ADGRD1: variants seen among roughly 807,000 people sequenced by gnomAD.
The protein encoded by ADGRD1 is G-protein coupled receptor 133.
In ADGRD1, 77 loss-of-function variants were observed where a neutral mutation model predicts 113.4. The ratio of observed to expected loss-of-function variants is 0.68; its 90% CI spans 0.57 to 0.82. The LOEUF is 0.82. ADGRD1 is among the 40% of genes least tolerant of loss of function. The probability of loss-of-function intolerance (pLI) is 0.00; values close to 1 mark genes in which losing one functional copy is unlikely to be tolerated. For synonymous variants in ADGRD1, 474 were observed against 475.0 expected (o/e 1.00, Z 0.03); for missense variants, 1,036 against 1,139.1 (o/e 0.91, Z 1.30).
chr12:131,011,269 C>G lies in ADGRD1; in HGVS notation c.1332-2930C>G, dbSNP rs1593353163. Among the ~76,000 whole-genome samples the G allele has an allele frequency of 3.3e-5, 5 of 151,174 alleles. 1 individual carries two copies. The highest frequency in any genetic ancestry group is 3.3e-4 in the Admixed American group (5 of 15,170). The stretch of plus-strand genomic sequence containing the variant: ...GCGTCTGGCCCCATTCTCATCTTGA[C>G]TTGGCCGACATCTGGCGTCGCACTG... On this transcript the variant is annotated intron_variant, in intron 12 of 24. Coordinates refer to ENST00000261654, the MANE Select transcript of ADGRD1 (RefSeq NM_198827.5).
chr12:130,987,368 C>T lies in ADGRD1; in HGVS notation c.745+19C>T. 1 of 1,613,210 alleles carries T rather than the reference C, an allele frequency of 6.2e-7. No individual in the cohort carries two copies. Among genetic ancestry groups the T allele is most frequent in the Non-Finnish European group, 8.5e-7 (1 of 1,179,702 alleles). ...GCCATTGGTCAGTGAGTGTGAAGGG[C>T]TGGGGCAGATCCGCTGTCTGTTCCC... On this transcript the variant is annotated intron_variant, in intron 6 of 24. Coordinates refer to ENST00000261654, the MANE Select transcript of ADGRD1 (RefSeq NM_198827.5).
chr12:131,108,556 G>T (rs901823831), intron 17 of ADGRD1, among the ~76,000 whole-genome samples, 168 bp from the exon 18 acceptor site: 1 of 152,096 alleles, frequency 6.6e-6, no homozygotes, highest in Non-Finnish European at 1.5e-5. Flanking sequence ...TGAGTCAAGC[G>T]CTACACCCAA....
intron 7 of ADGRD1, 99 bp from the exon 8 acceptor site, chr12:130,992,134 AAAAT>A: frequency 1.1e-6 from 1 of 894,402 alleles, no homozygotes; most frequent in Non-Finnish European, 1.7e-6. Flanking sequence ...AAAAAAAAAA[AAAAT>A]TAAAAAAAGC....
intron 13 of ADGRD1, among the ~76,000 whole-genome samples, chr12:131,067,237 G>T (rs1884793003): frequency 6.6e-6 from 1 of 152,320 alleles, no homozygotes; most frequent in African/African-American, 2.4e-5. Context: ...GCCTGTGGAC[G>T]CCCAGGTGGG....
intron 2 of ADGRD1, among the ~76,000 whole-genome samples, chr12:130,960,229 G>C (rs1246494489): frequency 1.3e-5 from 2 of 152,184 alleles, no homozygotes; most frequent in Non-Finnish European, 2.9e-5. Context: ...GCAGTTTCCT[G>C]GTCCTGGGGC....
At position 131,046,419 on chromosome 12, in the gene ADGRD1, G is replaced by A. The variant is rs1185801722; in HGVS notation, c.1474-30382G>A. 1.4e-4 allele frequency among the ~76,000 whole-genome samples: 18 copies of A among 125,360 alleles called. 1 individual carries two copies. The highest frequency in any genetic ancestry group is 2.3e-4 in the African/African-American group (7 of 30,756). The allele number at this position is 125,360 out of a possible 152,430, so 82.2% of individuals were successfully genotyped here. ...CTGGTCAGGGTCCTCCCTGGTCAGC[G>A]CTCCCTCCCTGGTCAGTGTCCTCTC... On this transcript the variant is annotated intron_variant, in intron 13 of 24. Coordinates refer to ENST00000261654, the MANE Select transcript of ADGRD1 (RefSeq NM_198827.5).
At chr12:130,957,060 T>C (rs1869686755) in intron 2 of ADGRD1, 1 of 149,638 alleles carries the variant, frequency 6.7e-6, no homozygotes, top group African/African-American at 2.5e-5. Context: ...TGTGTCCACA[T>C]GCATCCACAC....
At chr12:131,067,207 G>T (rs1260991370) in intron 13 of ADGRD1, among the ~76,000 whole-genome samples, 1 of 152,162 alleles carries the variant, frequency 6.6e-6, no homozygotes, top group Non-Finnish European at 1.5e-5. Context: ...AGGGAGGTTT[G>T]GACATGCTCC....
At chr12:131,013,445 A>G (rs970722855) in intron 12 of ADGRD1, among the ~76,000 whole-genome samples, 1 of 152,140 alleles carries the variant, frequency 6.6e-6, no homozygotes, top group Non-Finnish European at 1.5e-5. Flanking sequence ...TCTGGCAGGG[A>G]GAATGAGGGT....
rs559566241 is a variant in ADGRD1 at position 131,132,628 on chromosome 12, G to A, written c.2267+812G>A. Among the ~76,000 whole-genome samples, 20 of 152,314 alleles carry A rather than the reference G, an allele frequency of 1.3e-4. No homozygotes were observed. In the South Asian group the frequency reaches 4.1e-3, roughly 32 times the overall value. On this transcript the variant is annotated intron_variant, in intron 21 of 24. Coordinates refer to ENST00000261654, the MANE Select transcript of ADGRD1 (RefSeq NM_198827.5). Reference sequence around the variant, plus strand: ...GGCTGCGGCAGGGGTTCAGGCCCACGGGGGAGTCCCTGTCCCACCTGCTGA... The same window carrying A: ...GGCTGCGGCAGGGGTTCAGGCCCACAGGGGAGTCCCTGTCCCACCTGCTGA...
intron 4 of ADGRD1, among the ~76,000 whole-genome samples, chr12:130,980,102 G>A (rs373705099): frequency 3.3e-5 from 5 of 149,794 alleles, no homozygotes; most frequent in African/African-American, 7.3e-5. Context: ...GGGCTTTTGC[G>A]GTTCCTCTTT....
intron 2 of ADGRD1, among the ~76,000 whole-genome samples, chr12:130,955,651 C>G (rs1436545077): frequency 6.6e-6 from 1 of 152,230 alleles, no homozygotes; most frequent in Non-Finnish European, 1.5e-5. Flanking sequence ...AGTGCCTGAA[C>G]CCCTGCTGGG....
chr12:130,970,011 T>G (rs1871427982), intron 3 of ADGRD1: 1 of 152,258 alleles, frequency 6.6e-6, no homozygotes. Context: ...ACATTTGATT[T>G]CTTATAAACA....
At chr12:131,004,040 T>TTAG in intron 10 of ADGRD1, 146 bp from the exon 11 acceptor site, 1 of 548,588 alleles carries the variant, frequency 1.8e-6, no homozygotes. Flanking sequence ...TTTTTTTTTT[T>TTAG]GAGGCCATGC....
intron 15 of ADGRD1, among the ~76,000 whole-genome samples, chr12:131,104,184 G>A (rs559357512): frequency 1.3e-5 from 2 of 152,350 alleles, no homozygotes; most frequent in South Asian, 2.1e-4. Context: ...GAGGCCCACA[G>A]TGTGCAGGCG....
At chr12:131,040,435 C>A (rs1300923169) in intron 13 of ADGRD1, among the ~76,000 whole-genome samples, 2 of 152,182 alleles carry the variant, frequency 1.3e-5, no homozygotes, top group African/African-American at 4.8e-5. Context: ...GCAGTAATCT[C>A]CATAAAATCA....
intron 12 of ADGRD1, among the ~76,000 whole-genome samples, chr12:131,010,960 G>A (rs1209650940): frequency 6.6e-6 from 1 of 152,126 alleles, no homozygotes; most frequent in African/African-American, 2.4e-5. Flanking sequence ...TGACCTTCTG[G>A]GGCTTCCCTT....
intron 13 of ADGRD1, among the ~76,000 whole-genome samples, chr12:131,038,062 TC>T (rs1881725368): frequency 6.6e-6 from 1 of 152,158 alleles, no homozygotes; most frequent in African/African-American, 2.4e-5. Context: ...GCACCGGGTC[TC>T]ACTCACTACA....
Position 130,990,706 on chromosome 12 carries a change from CTTTA to C in ADGRD1, c.746-300_746-297del, listed in dbSNP as rs1381723681. 2.7e-5 allele frequency: 7 copies of C among 257,450 alleles called. No homozygotes were observed. In the South Asian group the frequency reaches 2.9e-4, roughly 11 times the overall value. 15.9% of individuals were successfully genotyped at this position (257,450 alleles called of 1,614,324 possible). A position where few individuals can be genotyped will look rare whatever the true frequency, so the allele number is the denominator to read the frequency against. On this transcript the variant is annotated intron_variant, in intron 6 of 24. Coordinates refer to ENST00000261654, the MANE Select transcript of ADGRD1 (RefSeq NM_198827.5). Reference sequence around the variant, plus strand: ...CAATTGAAATCTATTTCTTTTGGTTCTTTATTTATTTGAAATCGGTAATCCTTGT... The same window carrying C: ...CAATTGAAATCTATTTCTTTTGGTTCTTTATTTGAAATCGGTAATCCTTGT...
Sources: allele counts gnomAD v4.1 joint callset (sites outside exome capture counted in the v4.1 genomes callset), GRCh38; gene constraint gnomAD v4.1.1; transcripts MANE v1.5; gene names NCBI Gene and HGNC (gene_info 2026-07-23, HGNC 2026-07-21).